Variants in EXOC2 observed in about 807,000 individuals in gnomAD.
EXOC2 encodes the protein SEC5-like 1.
A neutral mutation model predicts 131.8 loss-of-function variants in EXOC2; 70 were observed. That is an observed-to-expected ratio of 0.53 (90% confidence interval 0.44 to 0.65). The LOEUF is 0.65. Ranked by LOEUF, EXOC2 falls within the 30% of genes least tolerant of loss-of-function variation. The pLI is 0.00. For synonymous variants in EXOC2, 411 were observed against 398.4 expected (o/e 1.03, Z -0.38); for missense variants, 923 against 1,108.6 (o/e 0.83, Z 2.38).
chr6:658,645 T>TTATATATATATATATATATATATTTTATA (rs373868934), intron 1 of EXOC2, among the ~76,000 whole-genome samples: 1 of 118,348 alleles, frequency 8.4e-6, no homozygotes, highest in African/African-American at 3.1e-5. Context: ...TATATATATT[T>TTATATATATATATATATATATATTTTATA]TATATATATA....
At chr6:572,853 G>A (rs1758365579) in intron 12 of EXOC2, among the ~76,000 whole-genome samples, 1 of 152,220 alleles carries the variant, frequency 6.6e-6, no homozygotes, top group Admixed American at 6.5e-5. Context: ...CTTGCCCTCT[G>A]GCAAGGAAGA....
chr6:617,519 T>G (rs2294666), intron 6 of EXOC2, among the ~76,000 whole-genome samples, 192 bp downstream of exon 6: 99,366 of 152,220 alleles, frequency 0.65, 34,344 homozygotes, highest in East Asian at 0.76. Context: ...AACAAAAGCC[T>G]CAGAGATAAA....
chr6:490,570 A>G (rs1240996424), intron 26 of EXOC2, among the ~76,000 whole-genome samples: 1 of 152,242 alleles, frequency 6.6e-6, no homozygotes, highest in Admixed American at 6.5e-5. Context: ...AGTGTCCTCA[A>G]ACATTTCATT....
At chr6:493,252 T>C (rs1392473854) in intron 25 of EXOC2, among the ~76,000 whole-genome samples, 2 of 152,194 alleles carry the variant, frequency 1.3e-5, no homozygotes, top group Non-Finnish European at 2.9e-5. Flanking sequence ...AAGGCAATTG[T>C]TTGGTTTCAT....
rs776083434 is a variant in EXOC2 at position 494,605 on chromosome 6, C to T, written c.2559+2762G>A. On this transcript the variant is annotated intron_variant, in intron 25 of 27. Coordinates refer to ENST00000230449, the MANE Select transcript of EXOC2 (RefSeq NM_018303.6). ...TCCCTAAGGCCCCACCCTAGGAACC[C>T]CCACCACCCACAGGAAGCCACTGTT... Among the ~76,000 whole-genome samples, 20 of 152,284 alleles carry T rather than the reference C, an allele frequency of 1.3e-4. 1 individual carries two copies. Among genetic ancestry groups the T allele is most frequent in the Middle Eastern group, 3.4e-3 (1 of 294 alleles).
intron 1 of EXOC2, among the ~76,000 whole-genome samples, chr6:671,742 T>G (rs997316253): frequency 1.3e-5 from 2 of 152,310 alleles, no homozygotes; most frequent in Admixed American, 6.5e-5. Flanking sequence ...CTTTTTTCCT[T>G]ACTTGTTTGC....
At chr6:501,580 A>AT (rs1764187346) in intron 23 of EXOC2, among the ~76,000 whole-genome samples, 1 of 53,864 alleles carries the variant, frequency 1.9e-5, no homozygotes. Context: ...ATATCTATAT[A>AT]TAATATCTAT....
intron 11 of EXOC2, among the ~76,000 whole-genome samples, chr6:592,232 C>A (rs1290648784): frequency 6.6e-6 from 1 of 152,028 alleles, no homozygotes; most frequent in Non-Finnish European, 1.5e-5. Context: ...CATCACGCTG[C>A]CTGCCCCGAA....
In EXOC2 at chr6:622,476, C is replaced by T. The variant is rs369176759; in HGVS notation, c.423-2933G>A. ...GCCTCGGTGTTTCTCTGCCCATAAT[C>T]GAACAGGGAATGAACGGCAGTTGCT... On this transcript the variant is annotated intron_variant, in intron 4 of 27. Transcript: ENST00000230449. Among the ~76,000 whole-genome samples, 93 of 152,224 alleles carry T rather than the reference C, an allele frequency of 6.1e-4. No individual in the cohort carries two copies. The South Asian group carries it at 0.018, about 30-fold the overall frequency.
rs147940003 is a variant in EXOC2 at position 608,586 on chromosome 6, T to C, written c.742+1512A>G. ...AAATTCATGGTTATAAAGGAATATA[T>C]GGAAAAAGGCAATTTTTAATACCCC... is the stretch of plus-strand genomic sequence containing the variant. On this transcript the variant is annotated intron_variant, in intron 7 of 27. Coordinates refer to ENST00000230449, the MANE Select transcript of EXOC2 (RefSeq NM_018303.6). 9.7e-3 allele frequency among the ~76,000 whole-genome samples: 1,481 copies of C among 152,238 alleles called. 26 individuals are homozygous for C. The highest frequency in any genetic ancestry group is 0.034 in the African/African-American group (1,410 of 41,538).
intron 13 of EXOC2, among the ~76,000 whole-genome samples, chr6:572,180 C>T (rs978273411): frequency 1.3e-5 from 2 of 152,220 alleles, no homozygotes; most frequent in Non-Finnish European, 2.9e-5. Flanking sequence ...TACCGCACAT[C>T]ACCCAGAATT....
chr6:497,333 A>C (rs376955220), intron 25 of EXOC2, 34 bp downstream of exon 25: 1 of 1,601,630 alleles, frequency 6.2e-7, no homozygotes, highest in Non-Finnish European at 8.5e-7. Context: ...AAATAACAAC[A>C]GAAGTTCAAT....
At chr6:487,257 A>AT (rs1039095076) in intron 27 of EXOC2, among the ~76,000 whole-genome samples, 16 of 151,998 alleles carry the variant, frequency 1.1e-4, no homozygotes, top group African/African-American at 3.4e-4. Flanking sequence ...CCTTCCTCTC[A>AT]TTTTGTATTA....
chr6:486,642 T>G lies in EXOC2; in HGVS notation c.*29A>C. The G allele has an allele frequency of 6.3e-7, 1 of 1,586,796 alleles. No individual in the cohort carries two copies. Among genetic ancestry groups the G allele is most frequent in the Non-Finnish European group, 8.7e-7 (1 of 1,155,058 alleles). Reference sequence around the variant, plus strand: ...GTGAACAGTCTTATTACGTGTTATTTTCCTGGACTTCTTTTATGTGGCAGA... The same window carrying G: ...GTGAACAGTCTTATTACGTGTTATTGTCCTGGACTTCTTTTATGTGGCAGA... On this transcript the variant is annotated 3_prime_UTR_variant, in exon 28 of 28. Transcript: ENST00000230449.
intron 17 of EXOC2, among the ~76,000 whole-genome samples, chr6:557,951 G>T (rs2127577560): frequency 6.6e-6 from 1 of 152,110 alleles, no homozygotes; most frequent in South Asian, 2.1e-4. Context: ...CGAGACAAGA[G>T]CAGCGTGTCA....
intron 1 of EXOC2, among the ~76,000 whole-genome samples, chr6:691,174 T>C (rs1764908784): frequency 1.3e-5 from 2 of 152,182 alleles, no homozygotes; most frequent in South Asian, 4.1e-4. Flanking sequence ...TAGAAGACTA[T>C]TTTTTCAGTA....
intron 22 of EXOC2, among the ~76,000 whole-genome samples, chr6:545,171 A>C (rs994466621): frequency 5.9e-5 from 9 of 151,952 alleles, no homozygotes; most frequent in Admixed American, 2.6e-4. Flanking sequence ...AAAAAAAAAA[A>C]AAAAAAACTT....
intron 7 of EXOC2, among the ~76,000 whole-genome samples, chr6:606,950 G>A (rs1360538580): frequency 6.6e-6 from 1 of 152,204 alleles, no homozygotes; most frequent in Non-Finnish European, 1.5e-5. Flanking sequence ...TTGTCACTGG[G>A]AGATAAGGAG....
chr6:679,801 T>C (rs954553739), intron 1 of EXOC2, among the ~76,000 whole-genome samples: 3 of 152,110 alleles, frequency 2.0e-5, no homozygotes, highest in African/African-American at 4.8e-5. Context: ...TACAACAAAT[T>C]AGCGAAATAG....
Sources: allele counts gnomAD v4.1 joint callset (sites outside exome capture counted in the v4.1 genomes callset), GRCh38; gene constraint gnomAD v4.1.1; transcripts MANE v1.5; gene names NCBI Gene and HGNC (gene_info 2026-07-23, HGNC 2026-07-21).